Variants in PFDN6 observed in about 807,000 individuals in gnomAD.
The protein encoded by PFDN6 is HLA class II region expressed gene KE2.
A neutral mutation model predicts 19.3 loss-of-function variants in PFDN6; 5 were observed. That is an observed-to-expected ratio of 0.26 (90% CI 0.14 to 0.55). The LOEUF (loss-of-function observed/expected upper bound fraction) is 0.55, where lower values mean the gene tolerates loss of function less well. Among genes scored for constraint, PFDN6 ranks in the 20% least tolerant of loss-of-function variants. PFDN6 has a pLI of 0.94. For synonymous variants in PFDN6, 51 were observed against 63.4 expected (o/e 0.80, Z 0.93); for missense variants, 101 against 149.4 (o/e 0.68, Z 1.69).
At chr6:33,290,554 A>G in intron 3 of PFDN6, 104 bp downstream of exon 3, 1 of 1,475,134 alleles carries the variant, frequency 6.8e-7, no homozygotes, top group Admixed American at 2.1e-5. Flanking sequence ...AGTGGCCCCT[A>G]GTCCTCCAGT....
chr6:33,289,229 C>A, upstream of PFDN6: 1 of 1,572,192 alleles, frequency 6.4e-7, no homozygotes, highest in South Asian at 1.2e-5. Flanking sequence ...ACACAGTCGG[C>A]TTGAAAACTC....
chr6:33,289,948 G>T (rs367808532), intron 1 of PFDN6, 28 bp downstream of exon 1: 20 of 1,574,728 alleles, frequency 1.3e-5, no homozygotes, highest in Non-Finnish European at 1.7e-5. Flanking sequence ...GTATGGTCTC[G>T]CCCAATGCAC....
In PFDN6 at chr6:33,290,435, A is replaced by G. The variant is rs772219198; in HGVS notation, c.245A>G (p.Tyr82Cys). ...GCCACAGTAGGGAAGAGGCTGGACT[A>G]TATCACAGCTGAAATGTGAGTTTTT... ...ARATVGKRLD[Y>C]ITAEIKRYES... is the part of the protein sequence containing the mutation. Residue 82 changes from tyrosine to cysteine, a missense_variant, in exon 3 of 4, where the codon TAT (tyrosine) becomes TGT (cysteine). By Grantham distance (194) the Tyr-to-Cys change is radical. Coordinates refer to ENST00000374606, the MANE Select transcript of PFDN6 (RefSeq NM_001185181.3). 1 of 1,565,490 alleles carries G rather than the reference A, an allele frequency of 6.4e-7. No homozygotes were observed. Among genetic ancestry groups the G allele is most frequent in the Non-Finnish European group, 8.6e-7 (1 of 1,158,210 alleles).
In PFDN6 at chr6:33,290,442, A is replaced by G. The variant is rs1413504048; in HGVS notation, c.252A>G (p.Thr84=). The stretch of plus-strand genomic sequence containing the variant: ...TAGGGAAGAGGCTGGACTATATCAC[A>G]GCTGAAATGTGAGTTTTTATTCCAC... The part of the protein sequence containing the change: ...ATVGKRLDYI[T]AEIKRYESQL... Residue 84 remains threonine, a synonymous_variant, in exon 3 of 4, where the codon ACA becomes ACG. Transcript: ENST00000374606. The G allele has an allele frequency of 1.9e-6, 3 of 1,551,748 alleles. No individual in the cohort carries two copies. In the African/African-American group the frequency reaches 4.1e-5, roughly 21 times the overall value.
upstream of PFDN6, chr6:33,289,199 C>G: frequency 6.2e-7 from 1 of 1,601,568 alleles, no homozygotes; most frequent in African/African-American, 1.3e-5. Context: ...GATCCACGTG[C>G]AAAACTCCTC....
At position 33,290,240 on chromosome 6, in the gene PFDN6, A is replaced by G; in HGVS notation, c.131A>G (p.Lys44Arg). 1 of 1,614,214 alleles carries G rather than the reference A, an allele frequency of 6.2e-7. No individual in the cohort carries two copies. The highest frequency in any genetic ancestry group is 8.5e-7 in the Non-Finnish European group (1 of 1,180,038). Reference sequence around the variant, plus strand: ...CAACTAACAGAAAATAATATCGTGAAAGAGGTGAGGGACTGGGATTTGTGG... The same window carrying G: ...CAACTAACAGAAAATAATATCGTGAGAGAGGTGAGGGACTGGGATTTGTGG... ...EAQLTENNIV[K>R]EELALLDGSN... Residue 44 changes from lysine (K) to arginine (R), a missense_variant, in exon 2 of 4, where the codon AAA becomes AGA. This residue lies in a region of PFDN6 where 54 missense variants were observed against 108.8 expected (regional missense o/e 0.50). Coordinates refer to ENST00000374606, the MANE Select transcript of PFDN6 (RefSeq NM_001185181.3).
chr6:33,290,875 G>A lies in PFDN6; in HGVS notation c.*30G>A, dbSNP rs1767312451. 2 of 1,532,648 alleles carry A rather than the reference G, an allele frequency of 1.3e-6. No homozygotes were observed. Among genetic ancestry groups the A allele is most frequent in the Non-Finnish European group, 1.8e-6 (2 of 1,129,768 alleles). The allele number at this position is 1,532,648 out of a possible 1,614,324, so 94.9% of individuals were successfully genotyped here. A position where few individuals can be genotyped will look rare whatever the true frequency, so the allele number is the denominator to read the frequency against. On this transcript the variant is annotated 3_prime_UTR_variant, in exon 4 of 4. Coordinates refer to ENST00000374606, the MANE Select transcript of PFDN6 (RefSeq NM_001185181.3). ...ATGGTGGGGGGAGGGGAGGGGAGGG[G>A]AGGGAATGAGGCAGCTCTAGGATCT...
Position 33,290,168 on chromosome 6 carries a change from C to T in PFDN6, c.65-6C>T, listed in dbSNP as rs1767198068. ...GTTTCTAAATTGCCTTTCCTCTCATCCCCAGACTTAAGTAAATCCATGTCG... is the reference window on the plus strand; with the variant it reads ...GTTTCTAAATTGCCTTTCCTCTCATTCCCAGACTTAAGTAAATCCATGTCG... On this transcript the variant is annotated splice_region_variant and splice_polypyrimidine_tract_variant and intron_variant, in intron 1 of 3. Coordinates refer to ENST00000374606, the MANE Select transcript of PFDN6 (RefSeq NM_001185181.3). 5.0e-6 allele frequency: 8 copies of T among 1,614,030 alleles called. No individual in the cohort carries two copies. The highest frequency in any genetic ancestry group is 6.8e-6 in the Non-Finnish European group (8 of 1,179,896).
chr6:33,290,079 T>C, intron 1 of PFDN6, 95 bp from the exon 2 acceptor site: 1 of 1,424,540 alleles, frequency 7.0e-7, no homozygotes, highest in Non-Finnish European at 9.8e-7. Flanking sequence ...GCCCCCATCC[T>C]TTTCTGCTTC....
chr6:33,290,670 C>T, intron 3 of PFDN6, 46 bp from the exon 4 acceptor site: 1 of 1,601,926 alleles, frequency 6.2e-7, no homozygotes, highest in Non-Finnish European at 8.5e-7. Context: ...CATAGTGAGT[C>T]CTACTAATTT....
Position 33,290,420 on chromosome 6 carries a change from G to A in PFDN6, c.230G>A (p.Gly77Glu), listed in dbSNP as rs748245009. Residue 77 changes from glycine (G) to glutamate (E), a missense_variant, in exon 3 of 4, where the codon GGG becomes GAG. This residue lies in a region of PFDN6 where 54 missense variants were observed against 108.8 expected (regional missense o/e 0.50). Transcript: ENST00000374606. ...QELGEARATV[G>E]KRLDYITAEI... ...CTGGGGGAGGCTCGGGCCACAGTAGGGAAGAGGCTGGACTATATCACAGCT... is the reference window on the plus strand; with the variant it reads ...CTGGGGGAGGCTCGGGCCACAGTAGAGAAGAGGCTGGACTATATCACAGCT... The A allele has an allele frequency of 8.2e-6, 13 of 1,590,068 alleles. No homozygotes were observed. The highest frequency in any genetic ancestry group is 1.1e-5 in the Non-Finnish European group (13 of 1,168,552).
At chr6:33,289,467 T>C, upstream of PFDN6, 1 of 1,286,804 alleles carries the variant, frequency 7.8e-7, no homozygotes, top group Non-Finnish European at 9.8e-7. Context: ...CCATCTTGCC[T>C]AAAAATGTCC....
rs1767101909 is a variant in PFDN6, at chr6:33,289,617, G to C, written c.-240G>C. 2 of 589,008 alleles carry C rather than the reference G, an allele frequency of 3.4e-6. No individual in the cohort carries two copies. The highest frequency in any genetic ancestry group is 3.8e-5 in the African/African-American group (2 of 52,012). The allele number at this position is 589,008 out of a possible 1,614,324, so 36.5% of individuals were successfully genotyped here. A position where few individuals can be genotyped will look rare whatever the true frequency, so the allele number is the denominator to read the frequency against. On this transcript the variant is annotated 5_prime_UTR_variant, in exon 1 of 4. Coordinates refer to ENST00000374606, the MANE Select transcript of PFDN6 (RefSeq NM_001185181.3). ...TCCGGGTTTATTACTACTGAAGGAA[G>C]AACGTGAGTAGGTTAGGATTTCGGT...
chr6:33,290,070 C>T, intron 1 of PFDN6, 104 bp from the exon 2 acceptor site: 3 of 1,361,982 alleles, frequency 2.2e-6, no homozygotes, highest in South Asian at 1.2e-5. Flanking sequence ...TCACCCGCTG[C>T]CCCCATCCTT....
upstream of PFDN6, chr6:33,289,311 G>A (rs566825139): frequency 2.7e-4 from 387 of 1,452,684 alleles, no homozygotes; most frequent in Admixed American, 5.0e-4. Flanking sequence ...CATCTTGAGT[G>A]AGGGCACGCT....
chr6:33,290,811 A>C lies in PFDN6; in HGVS notation c.356A>C (p.Gln119Pro). 1 of 1,599,762 alleles carries C rather than the reference A, an allele frequency of 6.3e-7. No individual in the cohort carries two copies. The highest frequency in any genetic ancestry group is 8.5e-7 in the Non-Finnish European group (1 of 1,177,696). The part of the protein sequence containing the change: ...AQLQQEFQRA[Q>P]AAKAGAPGKA The stretch of plus-strand genomic sequence containing the variant: ...CTGCAGCAGGAGTTCCAGCGGGCCC[A>C]GGCAGCAAAGGCAGGGGCTCCTGGC... The change falls in exon 4 of 4, where the codon CAG becomes CCG. Residue 119 changes from glutamine to proline, a missense_variant. Coordinates refer to ENST00000374606, the MANE Select transcript of PFDN6 (RefSeq NM_001185181.3).
Position 33,290,416 on chromosome 6 carries a change from G to T in PFDN6, c.226G>T (p.Val76Leu), listed in dbSNP as rs1346088638. Residue 76 changes from valine to leucine, a missense_variant, in exon 3 of 4, where the codon GTA (valine) becomes TTA (leucine). Around this residue, in one of 2 missense-constraint regions of PFDN6, gnomAD observed 54 missense variants for 108.8 expected, o/e 0.50. Transcript: ENST00000374606. ...GGAGCTGGGGGAGGCTCGGGCCACA[G>T]TAGGGAAGAGGCTGGACTATATCAC... is the stretch of plus-strand genomic sequence containing the variant. ...KQELGEARATVGKRLDYITAE... is the reference protein window; with the variant it reads ...KQELGEARATLGKRLDYITAE... 1 of 1,595,120 alleles carries T rather than the reference G, an allele frequency of 6.3e-7. No homozygotes were observed. Among genetic ancestry groups the T allele is most frequent in the African/African-American group, 1.3e-5 (1 of 74,304 alleles).
intron 1 of PFDN6, 75 bp downstream of exon 1, chr6:33,289,995 G>C: frequency 7.0e-7 from 1 of 1,432,754 alleles, no homozygotes; most frequent in Non-Finnish European, 9.7e-7. Flanking sequence ...AAGGTTTGTT[G>C]CCCCATCTGG....
At chr6:33,290,515 T>C in intron 3 of PFDN6, 65 bp downstream of exon 3, 1 of 1,520,292 alleles carries the variant, frequency 6.6e-7, no homozygotes, top group South Asian at 1.3e-5. Flanking sequence ...GGAGTAGAGG[T>C]GTTGAACCAT....
Sources: allele counts gnomAD v4.1 joint callset, GRCh38; gene constraint gnomAD v4.1.1; regional missense constraint gnomAD v4.1.1; transcripts MANE v1.5; gene names NCBI Gene and HGNC (gene_info 2026-07-23, HGNC 2026-07-21).